The following ADGRL3 variants were observed in gnomAD, a reference collection of about 807,000 sequenced individuals.
ADGRL3 encodes the protein adhesion G protein-coupled receptor L3, also known as calcium-independent alpha-latrotoxin receptor 3.
ADGRL3 carries 62 observed loss-of-function variants against 153.5 expected under a neutral mutation model. That is an observed-to-expected ratio of 0.40 (90% confidence interval 0.33 to 0.50). The LOEUF (loss-of-function observed/expected upper bound fraction) is 0.50. Ranked by LOEUF, ADGRL3 falls within the 20% of genes least tolerant of loss-of-function variation. The probability of loss-of-function intolerance (pLI) is 0.47; values close to 1 mark genes in which losing one functional copy is unlikely to be tolerated. For synonymous variants in ADGRL3, 710 were observed against 672.5 expected, an observed-to-expected ratio of 1.06 and a Z score of -0.86; for missense variants, 1,641 against 1,859.4, an observed-to-expected ratio of 0.88 and a Z score of 2.16.
At chr4:61,818,747 C>T (rs907059211) in intron 9 of ADGRL3, among the ~76,000 whole-genome samples, 9 of 152,046 alleles carry the variant, frequency 5.9e-5, no homozygotes, top group Non-Finnish European at 1.2e-4. Context: ...ACTTCTTATT[C>T]GATTTAGGAG....
At chr4:61,241,252 G>T (rs947369196) in intron 1 of ADGRL3, among the ~76,000 whole-genome samples, 1 of 151,922 alleles carries the variant, frequency 6.6e-6, no homozygotes, top group African/African-American at 2.4e-5. Flanking sequence ...AAAGAGATAG[G>T]ATGATTTGAT....
intron 13 of ADGRL3, among the ~76,000 whole-genome samples, chr4:61,916,770 T>A (rs1196003636): frequency 3.3e-5 from 5 of 152,120 alleles, no homozygotes; most frequent in Non-Finnish European, 7.3e-5. Flanking sequence ...CTGGCCAACA[T>A]GGTGAAACCT....
chr4:62,007,383 T>TATATATATATATATATACACAC (rs71213024), intron 21 of ADGRL3, among the ~76,000 whole-genome samples: 3 of 30,768 alleles, frequency 9.8e-5, no homozygotes, highest in Admixed American at 8.4e-4. Context: ...TATATATATA[T>TATATATATATATATATACACAC]ACACACACAC....
chr4:61,683,847 C>T (rs1171311288), intron 6 of ADGRL3, among the ~76,000 whole-genome samples: 2 of 152,126 alleles, frequency 1.3e-5, no homozygotes, highest in Non-Finnish European at 2.9e-5. Flanking sequence ...CCAGGCTGGT[C>T]TCGAACTCCT....
intron 9 of ADGRL3, among the ~76,000 whole-genome samples, chr4:61,860,673 C>A (rs1442934913): frequency 6.6e-6 from 1 of 152,100 alleles, no homozygotes; most frequent in Admixed American, 6.5e-5. Context: ...GAGTGAAATG[C>A]CTCATTCCAG....
intron 8 of ADGRL3, among the ~76,000 whole-genome samples, chr4:61,808,732 G>GTGTTTGTTTGTTTGTT (rs539186158): frequency 1.3e-5 from 2 of 148,808 alleles, no homozygotes; most frequent in Admixed American, 6.7e-5. Context: ...ATGGGTTTTT[G>GTGTTTGTTTGTTTGTT]TGTTTGTTTG....
chr4:62,053,045 C>G (rs1376438274), intron 25 of ADGRL3, among the ~76,000 whole-genome samples: 1 of 151,182 alleles, frequency 6.6e-6, no homozygotes. Context: ...AATGTTCCTG[C>G]TAATATTGTA....
chr4:61,946,771 C>T, intron 15 of ADGRL3, 143 bp from the exon 16 acceptor site: 1 of 690,724 alleles, frequency 1.4e-6, no homozygotes, highest in Non-Finnish European at 2.6e-6. Context: ...TTCCTCTCCT[C>T]ATAAATGACT....
chr4:61,858,536 G>T (rs368011389), intron 9 of ADGRL3, among the ~76,000 whole-genome samples: 1 of 152,162 alleles, frequency 6.6e-6, no homozygotes, highest in Non-Finnish European at 1.5e-5. Flanking sequence ...CAGGAGAATC[G>T]CTTGAACCTG....
intron 1 of ADGRL3, among the ~76,000 whole-genome samples, chr4:61,316,594 A>G (rs751295107): frequency 2.6e-5 from 4 of 152,152 alleles, no homozygotes; most frequent in Non-Finnish European, 5.9e-5. Flanking sequence ...TGCTGTATGC[A>G]TGGGTAATGG....
chr4:61,723,978 T>C (rs1363428653), intron 6 of ADGRL3, among the ~76,000 whole-genome samples: 1 of 152,176 alleles, frequency 6.6e-6, no homozygotes, highest in African/African-American at 2.4e-5. Context: ...AGAGTACACA[T>C]TCAGTAACTG....
intron 1 of ADGRL3, among the ~76,000 whole-genome samples, chr4:61,327,385 T>C (rs1424947135): frequency 6.6e-6 from 1 of 151,554 alleles, no homozygotes; most frequent in Non-Finnish European, 1.5e-5. Flanking sequence ...TAAAGTATGC[T>C]CCTACCTGTT....
chr4:61,420,506 ACGC>A, intron 2 of ADGRL3: 1 of 141,250 alleles, frequency 7.1e-6, no homozygotes, highest in South Asian at 2.3e-4. Context: ...TCCCGGGTTC[ACGC>A]CATTCTCCTG....
At chr4:61,381,802 G>C (rs1461909410) in intron 1 of ADGRL3, among the ~76,000 whole-genome samples, 1 of 151,874 alleles carries the variant, frequency 6.6e-6, no homozygotes, top group Non-Finnish European at 1.5e-5. Flanking sequence ...TGATCATCCA[G>C]TGAAATTTAA....
chr4:62,070,666 G>T lies in ADGRL3; in HGVS notation c.4390G>T (p.Ala1464Ser), dbSNP rs771497064. The stretch of plus-strand genomic sequence containing the variant: ...CATGCCGACACTGGCTGGTGTGGCC[G>T]CCACAGAGAGTGTTACCACCAGCAC... Reference protein sequence around the residue: ...TSMPTLAGVAATESVTTSTQT... With the variant: ...TSMPTLAGVASTESVTTSTQT... Residue 1464 changes from alanine to serine, a missense_variant, in exon 27 of 27, where the codon GCC becomes TCC. Physicochemically the swap from Ala to Ser is moderately conservative, Grantham distance 99 (BLOSUM62 1). Around this residue, in one of 5 missense-constraint regions of ADGRL3, gnomAD observed 517 missense variants for 555.0 expected, o/e 0.93. Coordinates refer to ENST00000683033, the MANE Select transcript of ADGRL3 (RefSeq NM_001387552.1). 2.6e-6 allele frequency: 4 copies of T among 1,551,264 alleles called. No individual in the cohort carries two copies. In the African/African-American group the frequency reaches 4.1e-5, roughly 16 times the overall value.
At chr4:61,215,073 A>G (rs1363819192) in intron 1 of ADGRL3, among the ~76,000 whole-genome samples, 1 of 152,200 alleles carries the variant, frequency 6.6e-6, no homozygotes, top group East Asian at 1.9e-4. Flanking sequence ...ACTGAATTTG[A>G]TTTCATTGTA....
At chr4:61,317,554 T>C (rs1297295462) in intron 1 of ADGRL3, among the ~76,000 whole-genome samples, 1 of 152,192 alleles carries the variant, frequency 6.6e-6, no homozygotes. Flanking sequence ...CCTTCTTGTG[T>C]AAGGCCTATA....
At chr4:62,057,721 A>G (rs796371943) in intron 25 of ADGRL3, among the ~76,000 whole-genome samples, 18 of 152,240 alleles carry the variant, frequency 1.2e-4, no homozygotes, top group African/African-American at 4.3e-4. Flanking sequence ...TCTGTCGCCC[A>G]GGCTGGAATG....
At chr4:61,264,960 T>G (rs1022229255) in intron 1 of ADGRL3, among the ~76,000 whole-genome samples, 2 of 151,946 alleles carry the variant, frequency 1.3e-5, no homozygotes, top group South Asian at 4.1e-4. Flanking sequence ...GTGTGTTTCG[T>G]GGTTACAGTT....
Sources: allele counts gnomAD v4.1 joint callset (sites outside exome capture counted in the v4.1 genomes callset), GRCh38; gene constraint gnomAD v4.1.1; regional missense constraint gnomAD v4.1.1; transcripts MANE v1.5; gene names NCBI Gene and HGNC (gene_info 2026-07-23, HGNC 2026-07-21).